Variants in SLIT3 observed in about 807,000 individuals in gnomAD.
The protein encoded by SLIT3 is slit guidance ligand 3, also known as slit homolog 3 protein.
Under a neutral mutation model 184.0 loss-of-function variants are expected in SLIT3, and 68 were observed. That is an observed-to-expected ratio of 0.37 (90% CI 0.30 to 0.45). The LOEUF (loss-of-function observed/expected upper bound fraction) is 0.45. SLIT3 is among the 20% of genes least tolerant of loss of function. The pLI is 1.00. For missense variants in SLIT3, 1,707 were observed against 2,026.0 expected (o/e 0.84, Z 3.02); for synonymous variants, 831 against 828.6 (o/e 1.00, Z -0.05).
chr5:168,726,333 A>G (rs566258052), intron 20 of SLIT3, among the ~76,000 whole-genome samples: 61 of 135,376 alleles, frequency 4.5e-4, no homozygotes, highest in African/African-American at 1.6e-3. Context: ...AAAATCAAAT[A>G]TAGGTGGAGA....
intron 2 of SLIT3, among the ~76,000 whole-genome samples, chr5:169,247,013 G>A (rs1054419992): frequency 2.2e-4 from 32 of 147,950 alleles, no homozygotes; most frequent in Admixed American, 1.3e-3. Context: ...GGCAGATCAC[G>A]AGGTCAGGAG....
At chr5:169,255,276 C>T (rs1765912578) in intron 1 of SLIT3, among the ~76,000 whole-genome samples, 1 of 152,152 alleles carries the variant, frequency 6.6e-6, no homozygotes, top group Non-Finnish European at 1.5e-5. Context: ...TCACGCATGT[C>T]CTTGAGGAGG....
rs561606996 is a variant in SLIT3 at position 168,680,422 on chromosome 5, G to A, written c.3686+3544C>T. Among the ~76,000 whole-genome samples, 3 of 152,378 alleles carry A rather than the reference G, an allele frequency of 2.0e-5. 1 individual carries two copies. The highest frequency in any genetic ancestry group is 3.9e-4 in the East Asian group (2 of 5,180). On this transcript the variant is annotated intron_variant, in intron 32 of 35. Coordinates refer to ENST00000519560, the MANE Select transcript of SLIT3 (RefSeq NM_003062.4). ...CAACATCAGGCATGGACAGAATGGAGACCATGGAATCTAGCCTGCAGGTCC... is the reference window on the plus strand; with the variant it reads ...CAACATCAGGCATGGACAGAATGGAAACCATGGAATCTAGCCTGCAGGTCC...
intron 4 of SLIT3, among the ~76,000 whole-genome samples, chr5:168,967,670 G>C (rs1763258375): frequency 7.2e-6 from 1 of 139,524 alleles, no homozygotes; most frequent in Non-Finnish European, 1.7e-5. Context: ...TCGATCTCCT[G>C]ACCTCGTGAT....
intron 2 of SLIT3, among the ~76,000 whole-genome samples, chr5:169,248,286 C>T (rs1480210640): frequency 6.6e-6 from 1 of 152,136 alleles, no homozygotes; most frequent in Admixed American, 6.6e-5. Context: ...CATTTGCCCT[C>T]TTTTCTGCTG....
At chr5:169,025,165 T>A (rs72826560) in intron 4 of SLIT3, among the ~76,000 whole-genome samples, 1,555 of 152,042 alleles carry the variant, frequency 0.01, 10 homozygotes, top group Non-Finnish European at 0.016. Context: ...GGTTCTGGAG[T>A]CAGCTGCAGA....
chr5:169,210,685 C>A (rs1479087591), intron 3 of SLIT3, among the ~76,000 whole-genome samples: 1 of 151,964 alleles, frequency 6.6e-6, no homozygotes, highest in Admixed American at 6.6e-5. Context: ...CAAAGGGGAC[C>A]AGAGGTAGGA....
chr5:168,926,017 C>T (rs1562009701), intron 4 of SLIT3, among the ~76,000 whole-genome samples: 2 of 152,074 alleles, frequency 1.3e-5, no homozygotes, highest in Non-Finnish European at 2.9e-5. Flanking sequence ...TGTTTTCATC[C>T]ACAGGGTTCT....
chr5:168,676,442 G>C (rs1761415037), intron 32 of SLIT3, among the ~76,000 whole-genome samples: 1 of 152,160 alleles, frequency 6.6e-6, no homozygotes, highest in African/African-American at 2.4e-5. Context: ...TTTTTGATGG[G>C]GAGCCAAAAA....
chr5:169,153,830 A>G (rs1343172623), intron 4 of SLIT3, among the ~76,000 whole-genome samples: 1 of 152,134 alleles, frequency 6.6e-6, no homozygotes, highest in African/African-American at 2.4e-5. Flanking sequence ...AGTTCTGGTT[A>G]TTGGCTGCAG....
At chr5:168,763,753 AT>A (rs1324926183) in intron 14 of SLIT3, among the ~76,000 whole-genome samples, 1 of 152,176 alleles carries the variant, frequency 6.6e-6, no homozygotes, top group South Asian at 2.1e-4. Flanking sequence ...ACATAAGCTT[AT>A]TGATGGGGCC....
intron 4 of SLIT3, among the ~76,000 whole-genome samples, chr5:169,180,029 G>A (rs556594151): frequency 6.6e-6 from 1 of 152,334 alleles, no homozygotes; most frequent in East Asian, 1.9e-4. Flanking sequence ...ATTTCAGGTA[G>A]TGATAAGTGC....
chr5:168,752,798 T>C (rs532810852), intron 18 of SLIT3, 157 bp downstream of exon 18: 1 of 686,864 alleles, frequency 1.5e-6, no homozygotes, highest in Admixed American at 2.7e-5. Context: ...CCTCAACACC[T>C]AGACGATGCC....
At chr5:169,212,433 GTTCATATCCTT>G (rs1454179190) in intron 3 of SLIT3, among the ~76,000 whole-genome samples, 2 of 151,732 alleles carry the variant, frequency 1.3e-5, no homozygotes, top group Non-Finnish European at 2.9e-5. Flanking sequence ...AGAAGCGTCT[GTTCATATCCTT>G]TGCCCACTTT....
intron 4 of SLIT3, among the ~76,000 whole-genome samples, chr5:169,097,265 C>T (rs566098608): frequency 2.0e-5 from 3 of 152,332 alleles, no homozygotes; most frequent in African/African-American, 7.2e-5. Flanking sequence ...TAGAAATCCT[C>T]ACTTTTCTTC....
intron 4 of SLIT3, chr5:169,013,291 C>G (rs531277247): frequency 5.2e-5 from 8 of 152,510 alleles, no homozygotes; most frequent in Admixed American, 5.2e-4. Flanking sequence ...CTCTCACATC[C>G]CATCTGGGGC....
chr5:168,700,627 T>A lies in SLIT3; in HGVS notation c.2897A>T (p.His966Leu). 3 of 1,614,176 alleles carry A rather than the reference T, an allele frequency of 1.9e-6. No individual in the cohort carries two copies. In the South Asian group the frequency reaches 3.3e-5, roughly 18 times the overall value. The change falls in exon 27 of 36, where the codon CAT becomes CTT. Residue 966 changes from histidine (H) to leucine (L), a missense_variant. His to Leu is a moderately conservative substitution (Grantham distance 99, BLOSUM62 -3). This residue lies in a region of SLIT3 where 1,307 missense variants were observed against 1,511.6 expected (regional missense o/e 0.86). Coordinates refer to ENST00000519560, the MANE Select transcript of SLIT3 (RefSeq NM_003062.4). The stretch of plus-strand genomic sequence containing the variant: ...GTCACTCAGGTGGCAGGTGCCTCCA[T>A]GCTGACAGGGGTTCTGGATGCAGGT... ...INTCIQNPCQ[H>L]GGTCHLSDSH...
intron 7 of SLIT3, among the ~76,000 whole-genome samples, chr5:168,818,955 C>A (rs1195680038): frequency 6.6e-6 from 1 of 152,218 alleles, no homozygotes; most frequent in Non-Finnish European, 1.5e-5. Flanking sequence ...TTTCTGCTAA[C>A]AATTTTGAAA....
chr5:169,138,993 C>G (rs1304386560), intron 4 of SLIT3, among the ~76,000 whole-genome samples: 1 of 152,228 alleles, frequency 6.6e-6, no homozygotes, highest in African/African-American at 2.4e-5. Flanking sequence ...TTCTTGGAGA[C>G]CTTCTCCAGG....
Sources: gnomAD v4.1 joint callset for allele counts (sites outside exome capture counted in the v4.1 genomes callset) on GRCh38, gnomAD v4.1.1 for gene constraint, gnomAD v4.1.1 regional missense constraint, MANE v1.5 for transcripts, NCBI Gene and HGNC (gene_info 2026-07-23, HGNC 2026-07-21) for gene names.